ZBTB43: variants seen among roughly 807,000 people sequenced by gnomAD.
ZBTB43 encodes the protein zinc finger and BTB domain-containing protein 43.
ZBTB43 carries 6 observed loss-of-function variants against 31.1 expected under a neutral mutation model. The observed-to-expected ratio is 0.19, with a 90% CI of 0.11 to 0.38. The LOEUF is 0.38. Ranked by LOEUF, ZBTB43 falls within the 10% of genes least tolerant of loss-of-function variation. ZBTB43 has a pLI of 1.00. For missense variants in ZBTB43, 379 were observed against 602.1 expected (o/e 0.63, Z 3.88); for synonymous variants, 212 against 221.7 (o/e 0.96, Z 0.39).
At position 126,824,014 on chromosome 9, in the gene ZBTB43, C is replaced by A. The variant is rs550992610; in HGVS notation, c.-23-8473C>A. Among the ~76,000 whole-genome samples the A allele has an allele frequency of 6.6e-5, 10 of 151,812 alleles. No individual in the cohort carries two copies. The South Asian group carries it at 2.1e-3, about 31-fold the overall frequency. On this transcript the variant is annotated intron_variant, in intron 2 of 2. Transcript: ENST00000373464. ...ATATAGAAACAAAAGAATTAAAAAC[C>A]AAAAGTACAACAATGATGGCTTTTT...
At chr9:126,820,180 C>T (rs112254058) in intron 2 of ZBTB43, among the ~76,000 whole-genome samples, 1,766 of 152,274 alleles carry the variant, frequency 0.012, 38 homozygotes, top group African/African-American at 0.039. Context: ...GATGGCTGCA[C>T]TAAACCACAG....
rs982233651 is a variant in ZBTB43 at position 126,833,325 on chromosome 9, C to T, written c.816C>T (p.Ser272=). 6.2e-7 allele frequency: 1 copy of T among 1,612,772 alleles called. No individual in the cohort carries two copies. Among genetic ancestry groups the T allele is most frequent in the African/African-American group, 1.3e-5 (1 of 74,882 alleles). ...ACGACGAGCACCAGGTCACAGAGTC[C>T]ATCAACACCGTGCAGACAGAGCACA... ...ATYDEHQVTE[S]INTVQTEHTV... Residue 272 remains serine, a synonymous_variant, in exon 3 of 3, where the codon TCC becomes TCT. Transcript: ENST00000373464. This position sits in a 1 kb window ranked among gnomAD's most constrained non-coding sequence, Gnocchi z 7.9.
intron 2 of ZBTB43, among the ~76,000 whole-genome samples, chr9:126,821,528 G>A (rs2032508607): frequency 6.6e-6 from 1 of 152,194 alleles, no homozygotes; most frequent in South Asian, 2.1e-4. Context: ...ACTTTGAGGG[G>A]CTCAAGACTT....
At chr9:126,819,197 A>G (rs546764722) in intron 2 of ZBTB43, among the ~76,000 whole-genome samples, 31 of 150,760 alleles carry the variant, frequency 2.1e-4, no homozygotes, top group African/African-American at 7.1e-4. Context: ...CACATGATCT[A>G]TCCTGGAGAA....
At chr9:126,806,127 C>G (rs1403794994) in intron 1 of ZBTB43, among the ~76,000 whole-genome samples, 2 of 152,220 alleles carry the variant, frequency 1.3e-5, no homozygotes, top group Non-Finnish European at 2.9e-5. Context: ...TGCCTTCGCT[C>G]TATCCACTCA....
At chr9:126,807,511 A>G (rs901584627) in intron 1 of ZBTB43, among the ~76,000 whole-genome samples, 5 of 152,230 alleles carry the variant, frequency 3.3e-5, no homozygotes, top group Non-Finnish European at 7.3e-5. Context: ...AGTGACAGCT[A>G]TTAAAACTGC....
intron 2 of ZBTB43, among the ~76,000 whole-genome samples, chr9:126,822,159 ATTTTTTT>A (rs773251812): frequency 8.5e-6 from 1 of 117,942 alleles, no homozygotes. Flanking sequence ...CTCGGCCGAG[ATTTTTTT>A]TTTTTTTTTT....
Sources: allele counts gnomAD v4.1 joint callset (sites outside exome capture counted in the v4.1 genomes callset), GRCh38; gene constraint gnomAD v4.1.1; non-coding constraint Gnocchi (gnomAD v3.1); transcripts MANE v1.5; gene names NCBI Gene and HGNC (gene_info 2026-07-23, HGNC 2026-07-21).